KDM4A: variants seen among roughly 807,000 people sequenced by gnomAD.
KDM4A encodes lysine demethylase 4A.
KDM4A carries 23 observed loss-of-function variants against 127.1 expected under a neutral mutation model. The observed-to-expected ratio is 0.18, with a 90% CI of 0.13 to 0.26. KDM4A has a LOEUF of 0.26. KDM4A is among the 10% of genes least tolerant of loss of function. The pLI is 1.00. For synonymous variants in KDM4A, 443 were observed against 466.5 expected (o/e 0.95, Z 0.65); for missense variants, 890 against 1,329.1 (o/e 0.67, Z 5.14).
intron 1 of KDM4A, among the ~76,000 whole-genome samples, chr1:43,651,659 G>A (rs1232167114): frequency 6.6e-6 from 1 of 152,156 alleles, no homozygotes; most frequent in Non-Finnish European, 1.5e-5. Flanking sequence ...GGAACTGCTG[G>A]ACCCTCAGTG....
chr1:43,699,599 A>G (rs1661332867), intron 19 of KDM4A, among the ~76,000 whole-genome samples: 1 of 152,134 alleles, frequency 6.6e-6, no homozygotes, highest in Non-Finnish European at 1.5e-5. Flanking sequence ...AAACGTATTT[A>G]TTCTTATTAG....
chr1:43,661,436 G>A (rs965926612), intron 4 of KDM4A, among the ~76,000 whole-genome samples: 21 of 150,894 alleles, frequency 1.4e-4, no homozygotes, highest in South Asian at 1.0e-3. Flanking sequence ...GTGAAACCCC[G>A]TCTCTACTAA....
chr1:43,663,125 T>C (rs761231305), intron 5 of KDM4A, 38 bp downstream of exon 5: 13 of 1,566,718 alleles, frequency 8.3e-6, no homozygotes, highest in Non-Finnish European at 1.1e-5. Context: ...GCTTCTATGC[T>C]AGAGCACGGG....
At chr1:43,662,485 GTAA>G (rs1361920315) in intron 4 of KDM4A, among the ~76,000 whole-genome samples, 3 of 152,138 alleles carry the variant, frequency 2.0e-5, no homozygotes, top group Non-Finnish European at 4.4e-5. Flanking sequence ...GTGGGTGCCT[GTAA>G]TCCCAGGTGC....
At chr1:43,697,619 G>A (rs535225471) in intron 18 of KDM4A, among the ~76,000 whole-genome samples, 1 of 152,262 alleles carries the variant, frequency 6.6e-6, no homozygotes, top group African/African-American at 2.4e-5. Context: ...TATGGGAAGA[G>A]CTAAATTTAT....
In KDM4A at chr1:43,677,190, C is replaced by T. The variant is rs546457514; in HGVS notation, c.1734+5315C>T. On this transcript the variant is annotated intron_variant, in intron 11 of 21. Coordinates refer to ENST00000372396, the MANE Select transcript of KDM4A (RefSeq NM_014663.3). The stretch of plus-strand genomic sequence containing the variant: ...TGAAACCTTGTCTTTACTAAAAATA[C>T]AAAAATTAGCCAGGCGTGTTGGCGG... 4.6e-5 allele frequency among the ~76,000 whole-genome samples: 7 copies of T among 151,994 alleles called. No individual in the cohort carries two copies. The South Asian group carries it at 1.5e-3, about 32-fold the overall frequency.
intron 13 of KDM4A, among the ~76,000 whole-genome samples, 177 bp downstream of exon 13, chr1:43,689,272 T>G (rs1038480662): frequency 1.3e-5 from 2 of 152,198 alleles, no homozygotes; most frequent in African/African-American, 4.8e-5. Context: ...CCCAGCAACG[T>G]GGGTTTCAAT....
chr1:43,676,310 A>G (rs1439722180), intron 11 of KDM4A, among the ~76,000 whole-genome samples: 1 of 152,038 alleles, frequency 6.6e-6, no homozygotes, highest in Non-Finnish European at 1.5e-5. Flanking sequence ...AGAGCGAATA[A>G]TACAGTGAAC....
At chr1:43,661,094 C>A (rs903988188) in intron 4 of KDM4A, among the ~76,000 whole-genome samples, 12 of 151,976 alleles carry the variant, frequency 7.9e-5, no homozygotes, top group Non-Finnish European at 1.8e-4. Context: ...CCTGCCTCAG[C>A]CACCTGAGTA....
intron 6 of KDM4A, chr1:43,666,214 G>A: frequency 2.0e-6 from 1 of 499,680 alleles, no homozygotes; most frequent in South Asian, 3.2e-5. Context: ...GAGGCAGCTT[G>A]GGTGACCTTG....
chr1:43,682,430 T>A (rs2154048024), intron 11 of KDM4A, among the ~76,000 whole-genome samples: 1 of 152,312 alleles, frequency 6.6e-6, no homozygotes, highest in East Asian at 1.9e-4. Flanking sequence ...TCTGATTAAG[T>A]CTATGGTCAT....
chr1:43,667,450 G>A (rs1660524768), intron 8 of KDM4A, among the ~76,000 whole-genome samples: 1 of 152,162 alleles, frequency 6.6e-6, no homozygotes, highest in Non-Finnish European at 1.5e-5. Flanking sequence ...TTGCTTGTGT[G>A]TTCCTGGCTT....
At chr1:43,689,138 C>T (rs780105981) in intron 13 of KDM4A, 43 bp downstream of exon 13, 1 of 1,586,094 alleles carries the variant, frequency 6.3e-7, no homozygotes, top group Non-Finnish European at 8.6e-7. Context: ...GACCAGCAAT[C>T]ATAGGGAAGC....
chr1:43,684,514 G>A (rs911714140), intron 12 of KDM4A, among the ~76,000 whole-genome samples: 33 of 152,078 alleles, frequency 2.2e-4, no homozygotes, highest in African/African-American at 7.0e-4. Context: ...AAAAAAAACA[G>A]AAGAGGTGTT....
chr1:43,667,885 T>C lies in KDM4A; in HGVS notation c.1029T>C (p.His343=). The change falls in exon 9 of 22, where the codon CAT becomes CAC. Residue 343 remains histidine, a synonymous_variant. Coordinates refer to ENST00000372396, the MANE Select transcript of KDM4A (RefSeq NM_014663.3). ...KAGKDNTVID[H]TLPTPEAAEF... ...GGAAGGACAACACAGTTATTGACCA[T>C]ACTCTGCCCACGCCAGAAGCAGCTG... 6.2e-7 allele frequency: 1 copy of C among 1,614,154 alleles called. No homozygotes were observed. Among genetic ancestry groups the C allele is most frequent in the South Asian group, 1.1e-5 (1 of 91,082 alleles).
chr1:43,698,187 G>A (rs997029455), intron 19 of KDM4A, among the ~76,000 whole-genome samples, 174 bp downstream of exon 19: 1 of 152,178 alleles, frequency 6.6e-6, no homozygotes, highest in Non-Finnish European at 1.5e-5. Flanking sequence ...AGAAAACTGC[G>A]TGCTGCTAGG....
At chr1:43,700,739 T>C (rs1661367819) in intron 19 of KDM4A, among the ~76,000 whole-genome samples, 1 of 151,960 alleles carries the variant, frequency 6.6e-6, no homozygotes, top group Non-Finnish European at 1.5e-5. Context: ...TAAAAGTTAG[T>C]TGCAGTGTGG....
chr1:43,679,529 T>A (rs751262969), intron 11 of KDM4A, among the ~76,000 whole-genome samples: 2 of 152,134 alleles, frequency 1.3e-5, no homozygotes, highest in Admixed American at 6.5e-5. Context: ...ACCCCCACTT[T>A]AAGCATCCCC....
At chr1:43,672,404 G>A (rs1660641481) in intron 11 of KDM4A, among the ~76,000 whole-genome samples, 1 of 152,052 alleles carries the variant, frequency 6.6e-6, no homozygotes, top group Non-Finnish European at 1.5e-5. Flanking sequence ...GGCCAGGCTG[G>A]TCTGGAACTC....
Sources: gnomAD v4.1 joint callset for allele counts (sites outside exome capture counted in the v4.1 genomes callset) on GRCh38, gnomAD v4.1.1 for gene constraint, MANE v1.5 for transcripts, NCBI Gene and HGNC (gene_info 2026-07-23, HGNC 2026-07-21) for gene names.